Variants in APBA1 observed in about 807,000 individuals in gnomAD.
APBA1 encodes amyloid-beta A4 precursor protein-binding family A member 1.
A neutral mutation model predicts 86.6 loss-of-function variants in APBA1; 55 were observed. The ratio of observed to expected loss-of-function variants is 0.64; its 90% CI spans 0.51 to 0.80. The LOEUF (loss-of-function observed/expected upper bound fraction) is 0.80, where lower values mean the gene tolerates loss of function less well. APBA1 is among the 30% of genes least tolerant of loss of function. The pLI, the probability that APBA1 is intolerant of heterozygous loss-of-function variation, is 0.00. For missense variants in APBA1, 1,090 were observed against 1,183.0 expected, an observed-to-expected ratio of 0.92 and a Z score of 1.15; for synonymous variants, 511 against 493.9, an observed-to-expected ratio of 1.03 and a Z score of -0.46.
intron 1 of APBA1, among the ~76,000 whole-genome samples, chr9:69,631,674 A>G (rs1378587377): frequency 6.6e-6 from 1 of 152,260 alleles, no homozygotes; most frequent in African/African-American, 2.4e-5. Flanking sequence ...CATCAATGAT[A>G]GACTGGATTA....
chr9:69,516,236 C>T lies in APBA1; in HGVS notation c.975G>A (p.Ala325=), dbSNP rs780563342. 3.5e-6 allele frequency: 5 copies of T among 1,446,074 alleles called. No individual in the cohort carries two copies. The Admixed American group carries it at 9.8e-5, about 28-fold the overall frequency. The allele number at this position is 1,446,074 out of a possible 1,614,324, so 89.6% of individuals were successfully genotyped here. ...GLQAPAGQQR[A]VGPAGGGEAG... is the part of the protein sequence containing the mutation. ...CCTCGCCGCCGCCCGCGGGGCCCACCGCCCGCTGCTGCCCCGCCGGCGCCT... is the reference window on the plus strand; with the variant it reads ...CCTCGCCGCCGCCCGCGGGGCCCACTGCCCGCTGCTGCCCCGCCGGCGCCT... The change falls in exon 2 of 13, where the codon GCG becomes GCA. Residue 325 remains alanine, a synonymous_variant. Coordinates refer to ENST00000265381, the MANE Select transcript of APBA1 (RefSeq NM_001163.4). The surrounding 1 kb of genome is among the most constrained non-coding windows in gnomAD (Gnocchi z 7.3).
intron 2 of APBA1, among the ~76,000 whole-genome samples, chr9:69,499,131 A>T (rs1835843621): frequency 6.6e-6 from 1 of 152,124 alleles, no homozygotes; most frequent in African/African-American, 2.4e-5. Flanking sequence ...TAAGAAAACA[A>T]AGTTGGTTTT....
Position 69,516,430 on chromosome 9 carries a change from T to C in APBA1, c.781A>G (p.Met261Val), listed in dbSNP as rs1403896108. The change falls in exon 2 of 13, where the codon ATG becomes GTG. Residue 261 changes from methionine to valine, a missense_variant. By Grantham distance (21) the Met-to-Val change is conservative (BLOSUM62 1). Transcript: ENST00000265381. This position sits in a 1 kb window ranked among gnomAD's most constrained non-coding sequence, Gnocchi z 7.3. ...KEAEFAPYPR[M>V]DSYEQEEDID... ...TCCTCCTCCTGCTCGTAGCTGTCCA[T>C]GCGCGGGTAGGGCGCGAACTCGGCC... 1 of 1,604,878 alleles carries C rather than the reference T, an allele frequency of 6.2e-7. No individual in the cohort carries two copies. The highest frequency in any genetic ancestry group is 8.5e-7 in the Non-Finnish European group (1 of 1,178,694).
chr9:69,671,864 C>T (rs1196836954), intron 1 of APBA1, among the ~76,000 whole-genome samples: 3 of 152,332 alleles, frequency 2.0e-5, no homozygotes, highest in Admixed American at 2.0e-4. Flanking sequence ...CACACACTCA[C>T]TCCTGCCATG....
chr9:69,440,944 C>T (rs2133793920), intron 11 of APBA1, 52 bp downstream of exon 11: 2 of 1,590,694 alleles, frequency 1.3e-6, no homozygotes, highest in East Asian at 2.2e-5. Context: ...AGCCATGCTA[C>T]ATTTTTATTT....
chr9:69,611,472 A>C (rs1342400573), intron 1 of APBA1, among the ~76,000 whole-genome samples: 2 of 152,140 alleles, frequency 1.3e-5, no homozygotes, highest in Non-Finnish European at 2.9e-5. Flanking sequence ...CAAATATTTG[A>C]ATATCTAACC....
chr9:69,645,488 C>G (rs114831378), intron 1 of APBA1, among the ~76,000 whole-genome samples: 1 of 152,156 alleles, frequency 6.6e-6, no homozygotes, highest in Non-Finnish European at 1.5e-5. Flanking sequence ...CCAGGTTGGG[C>G]GAGGCAAGAT....
chr9:69,584,489 C>T (rs1319792382), intron 1 of APBA1, among the ~76,000 whole-genome samples: 1 of 152,144 alleles, frequency 6.6e-6, no homozygotes, highest in African/African-American at 2.4e-5. Context: ...GCTCCCAGAT[C>T]CTTTACTTAT....
intron 1 of APBA1, among the ~76,000 whole-genome samples, chr9:69,533,713 G>A (rs543852278): frequency 6.6e-6 from 1 of 152,286 alleles, no homozygotes; most frequent in South Asian, 2.1e-4. Flanking sequence ...CCAGGCTGTG[G>A]TCATTCACAT....
At chr9:69,469,556 C>T (rs1362644304) in intron 4 of APBA1, among the ~76,000 whole-genome samples, 2 of 152,228 alleles carry the variant, frequency 1.3e-5, no homozygotes, top group Non-Finnish European at 2.9e-5. Flanking sequence ...GAAGCTAACA[C>T]TGTGAGTGGT....
intron 2 of APBA1, among the ~76,000 whole-genome samples, chr9:69,480,254 G>A: frequency 4.2e-5 from 1 of 23,878 alleles, no homozygotes; most frequent in Non-Finnish European, 7.5e-5. Flanking sequence ...AAAGAGAGAG[G>A]AATCAAATAG....
At chr9:69,584,418 A>G (rs534711745) in intron 1 of APBA1, among the ~76,000 whole-genome samples, 1 of 152,354 alleles carries the variant, frequency 6.6e-6, no homozygotes, top group South Asian at 2.1e-4. Context: ...TCAATAAATG[A>G]AGACATAAGT....
chr9:69,486,889 T>C (rs1342956214), intron 2 of APBA1, among the ~76,000 whole-genome samples: 5 of 150,942 alleles, frequency 3.3e-5, no homozygotes, highest in African/African-American at 4.9e-5. Flanking sequence ...TTCTTTTTTG[T>C]GAGTCACTGG....
intron 1 of APBA1, among the ~76,000 whole-genome samples, chr9:69,629,082 G>T (rs1268595599): frequency 6.6e-6 from 1 of 152,008 alleles, no homozygotes; most frequent in Non-Finnish European, 1.5e-5. Flanking sequence ...CTATACAAAA[G>T]GTAACTTCAG....
chr9:69,523,463 GTATATATATATATGTA>G (rs1360722122), intron 1 of APBA1, among the ~76,000 whole-genome samples: 8 of 109,188 alleles, frequency 7.3e-5, no homozygotes, highest in Non-Finnish European at 1.2e-4. Context: ...TCATGTATGT[GTATATATATATATGTA>G]TATATATATA....
chr9:69,574,406 T>TG (rs1821737642), intron 1 of APBA1, among the ~76,000 whole-genome samples: 1 of 152,198 alleles, frequency 6.6e-6, no homozygotes, highest in South Asian at 2.1e-4. Context: ...CAACTTTACT[T>TG]GCTTCACTCC....
At position 69,516,224 on chromosome 9, in the gene APBA1, C is replaced by T. The variant is rs777997413; in HGVS notation, c.987G>A (p.Ala329=). Residue 329 remains alanine (A), a synonymous_variant, in exon 2 of 13, where the codon GCG becomes GCA. Transcript: ENST00000265381. This position sits in a 1 kb window ranked among gnomAD's most constrained non-coding sequence, Gnocchi z 7.3. Reference sequence around the variant, plus strand: ...ACCGCTGCCCCGCCTCGCCGCCGCCCGCGGGGCCCACCGCCCGCTGCTGCC... The same window carrying T: ...ACCGCTGCCCCGCCTCGCCGCCGCCTGCGGGGCCCACCGCCCGCTGCTGCC... The part of the protein sequence containing the change: ...PAGQQRAVGP[A]GGGEAGQRYS... 2 of 1,486,136 alleles carry T rather than the reference C, an allele frequency of 1.3e-6. No individual in the cohort carries two copies. The highest frequency in any genetic ancestry group is 2.8e-5 in the East Asian group (1 of 35,992). 92.1% of individuals were successfully genotyped at this position (1,486,136 alleles called of 1,614,324 possible).
chr9:69,562,759 G>A (rs1836966760), intron 1 of APBA1, among the ~76,000 whole-genome samples: 1 of 152,100 alleles, frequency 6.6e-6, no homozygotes, highest in Admixed American at 6.6e-5. Context: ...ATTATGTATG[G>A]TTAGCCTGCT....
At chr9:69,492,835 A>G (rs1250946168) in intron 2 of APBA1, among the ~76,000 whole-genome samples, 1 of 152,132 alleles carries the variant, frequency 6.6e-6, no homozygotes, top group Non-Finnish European at 1.5e-5. Context: ...ATGAGTTCCA[A>G]TACTTGTTGG....
Sources: allele counts gnomAD v4.1 joint callset (sites outside exome capture counted in the v4.1 genomes callset), GRCh38; gene constraint gnomAD v4.1.1; non-coding constraint Gnocchi (gnomAD v3.1); transcripts MANE v1.5; gene names NCBI Gene and HGNC (gene_info 2026-07-23, HGNC 2026-07-21).